RORA: variants seen among roughly 807,000 people sequenced by gnomAD.
The protein encoded by RORA is nuclear receptor ROR-alpha.
A neutral mutation model predicts 69.5 loss-of-function variants in RORA; 7 were observed. The observed-to-expected ratio is 0.10, with a 90% CI of 0.06 to 0.19. RORA has a LOEUF of 0.19. RORA is among the 10% of genes least tolerant of loss of function. The pLI, the probability that RORA is intolerant of heterozygous loss-of-function variation, is 1.00. For synonymous variants in RORA, 261 were observed against 240.8 expected, an observed-to-expected ratio of 1.08 and a Z score of -0.78; for missense variants, 457 against 663.0, an observed-to-expected ratio of 0.69 and a Z score of 3.41.
chr15:60,613,208 C>A (rs1260909195), intron 2 of RORA, among the ~76,000 whole-genome samples: 1 of 152,126 alleles, frequency 6.6e-6, no homozygotes, highest in Non-Finnish European at 1.5e-5. Flanking sequence ...ACAACCGCCT[C>A]TCTCATAATA....
At chr15:60,879,777 A>G (rs2073658947) in intron 1 of RORA, among the ~76,000 whole-genome samples, 2 of 152,244 alleles carry the variant, frequency 1.3e-5, no homozygotes, top group African/African-American at 4.8e-5. Context: ...ATTCCACTAT[A>G]TTAAAAGGAA....
intron 1 of RORA, among the ~76,000 whole-genome samples, chr15:60,759,794 T>C (rs781391658): frequency 6.6e-6 from 1 of 152,128 alleles, no homozygotes; most frequent in Non-Finnish European, 1.5e-5. Context: ...ATCTTGCCAG[T>C]TGGGAAGATA....
chr15:61,139,057 C>A (rs968081336), intron 1 of RORA, among the ~76,000 whole-genome samples: 1 of 151,462 alleles, frequency 6.6e-6, no homozygotes, highest in South Asian at 2.1e-4. Flanking sequence ...GGCAGGAGAA[C>A]GGCACGAACC....
chr15:60,831,654 C>T (rs1188470907), intron 1 of RORA, among the ~76,000 whole-genome samples: 1 of 152,144 alleles, frequency 6.6e-6, no homozygotes, highest in Non-Finnish European at 1.5e-5. Flanking sequence ...GGGAGAGAGA[C>T]ACCACACTCT....
intron 2 of RORA, among the ~76,000 whole-genome samples, chr15:60,621,561 C>A (rs1280581013): frequency 6.6e-6 from 1 of 152,186 alleles, no homozygotes; most frequent in East Asian, 1.9e-4. Flanking sequence ...GAACAAGTGG[C>A]CTAATTAGGC....
intron 10 of RORA, 37 bp downstream of exon 10, chr15:60,499,855 G>T: frequency 8.2e-7 from 1 of 1,220,638 alleles, no homozygotes. Flanking sequence ...CCAGGGGATA[G>T]TTCAGGCCAT....
chr15:61,007,245 T>C lies in RORA; in HGVS notation c.166+221808A>G, dbSNP rs138558513. ...TAGGTGGTTGGTTGTTTTGGGTGTATAATTCAGAGGTTCAAAATGGAAATG... is the reference window on the plus strand; with the variant it reads ...TAGGTGGTTGGTTGTTTTGGGTGTACAATTCAGAGGTTCAAAATGGAAATG... On this transcript the variant is annotated intron_variant, in intron 1 of 10. Coordinates refer to ENST00000335670, the MANE Select transcript of RORA (RefSeq NM_134261.3). 5.2e-3 allele frequency among the ~76,000 whole-genome samples: 790 copies of C among 152,274 alleles called. 5 individuals are homozygous for C. Among genetic ancestry groups the C allele is most frequent in the African/African-American group, 0.018 (738 of 41,558 alleles).
At chr15:60,993,219 T>A (rs1894434750) in intron 1 of RORA, among the ~76,000 whole-genome samples, 1 of 152,228 alleles carries the variant, frequency 6.6e-6, no homozygotes, top group South Asian at 2.1e-4. Context: ...GCATGTGTCA[T>A]GTCCCAAGTA....
chr15:61,119,352 C>T (rs2079080516), intron 1 of RORA, among the ~76,000 whole-genome samples: 1 of 151,254 alleles, frequency 6.6e-6, no homozygotes, highest in Non-Finnish European at 1.5e-5. Flanking sequence ...CATGTACCAC[C>T]GTGCCTGCCT....
rs565609782 is a variant in RORA, at chr15:61,157,704, G to A, written c.166+71349C>T. Among the ~76,000 whole-genome samples, 7 of 152,256 alleles carry A rather than the reference G, an allele frequency of 4.6e-5. No individual in the cohort carries two copies. The South Asian group carries it at 1.5e-3, about 32-fold the overall frequency. On this transcript the variant is annotated intron_variant, in intron 1 of 10. Coordinates refer to ENST00000335670, the MANE Select transcript of RORA (RefSeq NM_134261.3). ...GCAGCTCTCTCCCATTAGTGTATAT[G>A]TTTTAAAGGAATCTGATTCTCTTTA...
rs188334889 is a variant in RORA, at chr15:61,147,463, T to C, written c.166+81590A>G. Among the ~76,000 whole-genome samples, 99 of 152,252 alleles carry C rather than the reference T, an allele frequency of 6.5e-4. No individual in the cohort carries two copies. Among genetic ancestry groups the C allele is most frequent in the Non-Finnish European group, 1.2e-4 (8 of 68,032 alleles). On this transcript the variant is annotated intron_variant, in intron 1 of 10. Transcript: ENST00000335670. The surrounding 1 kb of genome is among the most constrained non-coding windows in gnomAD (Gnocchi z 4.1). ...GCAATAGGACTCTGAAGAAGGAATA[T>C]GAGAGCTTCCAGCCCTTGCTAGAAG...
intron 1 of RORA, among the ~76,000 whole-genome samples, chr15:60,733,950 GAGAGAA>G (rs2071465169): frequency 2.7e-5 from 4 of 149,354 alleles, no homozygotes; most frequent in African/African-American, 5.0e-5. Flanking sequence ...GAGAGAGAGA[GAGAGAA>G]AGAGAAAGGA....
intron 2 of RORA, among the ~76,000 whole-genome samples, chr15:60,673,088 A>G (rs2070498996): frequency 6.6e-6 from 1 of 152,026 alleles, no homozygotes; most frequent in Non-Finnish European, 1.5e-5. Flanking sequence ...ATCTCAACAC[A>G]CCCTTTGGAA....
At chr15:60,578,432 G>C (rs1476327657) in intron 2 of RORA, among the ~76,000 whole-genome samples, 1 of 152,194 alleles carries the variant, frequency 6.6e-6, no homozygotes, top group African/African-American at 2.4e-5. Flanking sequence ...TGTATGGGCA[G>C]TAAATACTGT....
chr15:60,709,455 T>C (rs933248608), intron 1 of RORA, among the ~76,000 whole-genome samples: 1 of 152,158 alleles, frequency 6.6e-6, no homozygotes. Context: ...CAGGGGTCCT[T>C]AACCCCTGGT....
intron 1 of RORA, among the ~76,000 whole-genome samples, chr15:61,135,478 T>G (rs895959371): frequency 6.6e-6 from 1 of 151,978 alleles, no homozygotes; most frequent in Non-Finnish European, 1.5e-5. Context: ...AAGCCTATTT[T>G]GTTTCCCAAA....
chr15:61,060,047 A>AAGAAGAAGAAGAAGG (rs2078160198), intron 1 of RORA, among the ~76,000 whole-genome samples: 1 of 149,260 alleles, frequency 6.7e-6, no homozygotes. Flanking sequence ...GAAGAAGAAG[A>AAGAAGAAGAAGAAGG]AGAAAGCCTT....
chr15:60,905,537 T>C lies in RORA; in HGVS notation c.167-226851A>G, dbSNP rs557765607. On this transcript the variant is annotated intron_variant, in intron 1 of 10. Transcript: ENST00000335670. The surrounding 1 kb of genome is among the most constrained non-coding windows in gnomAD (Gnocchi z 4.8). Reference sequence around the variant, plus strand: ...CATTGCTGAGCTCTTTTGTGTTTCATAGAAAGCAGTTGCTAAACAGATGAA... The same window carrying C: ...CATTGCTGAGCTCTTTTGTGTTTCACAGAAAGCAGTTGCTAAACAGATGAA... Among the ~76,000 whole-genome samples the C allele has an allele frequency of 2.0e-5, 3 of 152,316 alleles. No individual in the cohort carries two copies. Among genetic ancestry groups the C allele is most frequent in the African/African-American group, 7.2e-5 (3 of 41,578 alleles).
chr15:60,763,739 C>T (rs2071935937), intron 1 of RORA, among the ~76,000 whole-genome samples: 1 of 152,200 alleles, frequency 6.6e-6, no homozygotes, highest in South Asian at 2.1e-4. Flanking sequence ...TTCAGGAGCC[C>T]CTCGGGTTTC....
Sources: gnomAD v4.1 joint callset for allele counts (sites outside exome capture counted in the v4.1 genomes callset) on GRCh38, gnomAD v4.1.1 for gene constraint, Gnocchi (gnomAD v3.1) non-coding constraint, MANE v1.5 for transcripts, NCBI Gene and HGNC (gene_info 2026-07-23, HGNC 2026-07-21) for gene names.